The following NCKAP5 variants were observed in gnomAD, a reference collection of about 807,000 sequenced individuals.
NCKAP5 encodes nck-associated protein 5.
In NCKAP5, 92 loss-of-function variants were observed where a neutral mutation model predicts 167.0. The observed-to-expected ratio is 0.55, with a 90% CI of 0.47 to 0.66. The LOEUF (loss-of-function observed/expected upper bound fraction) is 0.66, where lower values mean the gene tolerates loss of function less well. Among genes scored for constraint, NCKAP5 ranks in the 30% least tolerant of loss-of-function variants. NCKAP5 has a pLI of 0.00. For synonymous variants in NCKAP5, 891 were observed against 877.4 expected (o/e 1.02, Z -0.27); for missense variants, 2,378 against 2,315.0 (o/e 1.03, Z -0.56).
At chr2:133,438,209 G>T (rs1350267599) in intron 3 of NCKAP5, among the ~76,000 whole-genome samples, 1 of 152,210 alleles carries the variant, frequency 6.6e-6, no homozygotes, top group Non-Finnish European at 1.5e-5. Flanking sequence ...GTGTTGTTGG[G>T]TGCCAGCTTC....
chr2:132,883,782 T>G (rs1054992403), intron 8 of NCKAP5, among the ~76,000 whole-genome samples: 2 of 152,206 alleles, frequency 1.3e-5, no homozygotes, highest in Admixed American at 1.3e-4. Flanking sequence ...AATTCAAGTG[T>G]TCTCTGTTAT....
chr2:132,906,281 A>T (rs1179194523), intron 8 of NCKAP5, among the ~76,000 whole-genome samples: 1 of 152,160 alleles, frequency 6.6e-6, no homozygotes, highest in East Asian at 1.9e-4. Context: ...TTGTCCACAG[A>T]CTACTTGACT....
At chr2:132,764,003 T>C (rs1298985686) in intron 16 of NCKAP5, among the ~76,000 whole-genome samples, 1 of 152,166 alleles carries the variant, frequency 6.6e-6, no homozygotes, top group African/African-American at 2.4e-5. Context: ...GAAAAAAATA[T>C]TTTACAGGAG....
chr2:133,077,112 G>GA (rs571956550), intron 6 of NCKAP5, among the ~76,000 whole-genome samples: 5 of 151,634 alleles, frequency 3.3e-5, no homozygotes, highest in Admixed American at 6.6e-5. Context: ...AATTCAACAT[G>GA]AAAAAAAATA....
intron 3 of NCKAP5, among the ~76,000 whole-genome samples, chr2:133,388,073 C>T (rs1397443821): frequency 6.6e-6 from 1 of 152,222 alleles, no homozygotes; most frequent in African/African-American, 2.4e-5. Flanking sequence ...CAGCTTTGTT[C>T]CATTGCTGGT....
chr2:133,551,299 CA>C (rs1241868036), intron 2 of NCKAP5, among the ~76,000 whole-genome samples: 105 of 150,458 alleles, frequency 7.0e-4, no homozygotes, highest in African/African-American at 2.2e-3. Context: ...ACTCCTAAGC[CA>C]AAAGAACAAA....
At chr2:132,877,753 G>T (rs1379213886) in intron 9 of NCKAP5, among the ~76,000 whole-genome samples, 1 of 152,200 alleles carries the variant, frequency 6.6e-6, no homozygotes, top group East Asian at 1.9e-4. Context: ...TGACTTCTGA[G>T]ACAGTGCATT....
At chr2:133,608,142 T>C in the NCKAP5 span, among the ~76,000 whole-genome samples, 14 of 152,186 alleles carry the variant, frequency 9.2e-5, 1 homozygote, top group Non-Finnish European at 1.8e-4. Context: ...CTTAAAAATA[T>C]GGCTTTTATG....
chr2:133,223,720 T>A (rs2086760976), intron 4 of NCKAP5, among the ~76,000 whole-genome samples: 1 of 152,114 alleles, frequency 6.6e-6, no homozygotes, highest in Admixed American at 6.5e-5. Context: ...TCTATCAACA[T>A]CCATAAAGCA....
chr2:133,130,192 T>C (rs1196092063), intron 5 of NCKAP5, 81 bp from the exon 6 acceptor site: 5 of 1,437,076 alleles, frequency 3.5e-6, no homozygotes, highest in South Asian at 1.3e-5. Flanking sequence ...AAGTGATAAC[T>C]TGAGCTTTAT....
chr2:133,204,378 C>A (rs979019724), intron 5 of NCKAP5, among the ~76,000 whole-genome samples: 24 of 152,290 alleles, frequency 1.6e-4, no homozygotes, highest in African/African-American at 4.3e-4. Flanking sequence ...GACTCCCCCC[C>A]ATCAGAGGTA....
At chr2:133,544,176 T>C (rs1056474714) in intron 2 of NCKAP5, among the ~76,000 whole-genome samples, 1 of 152,228 alleles carries the variant, frequency 6.6e-6, no homozygotes, top group African/African-American at 2.4e-5. Flanking sequence ...CTCTTTTATA[T>C]TACCTTTGGT....
Position 133,213,674 on chromosome 2 carries a change from C to T in NCKAP5, c.207+42G>A, listed in dbSNP as rs761857649. 2.6e-5 allele frequency: 41 copies of T among 1,602,768 alleles called. No individual in the cohort carries two copies. In the South Asian group the frequency reaches 4.2e-4, roughly 16 times the overall value. On this transcript the variant is annotated intron_variant, in intron 5 of 19. Coordinates refer to ENST00000409261, the MANE Select transcript of NCKAP5 (RefSeq NM_207363.3). ...GCAAAGTAGCTTTCAAGCCAGAGAC[C>T]TCTGGATGTTGTGGAATGAGGGGAC...
At chr2:133,480,470 C>T (rs1680327361) in intron 3 of NCKAP5, among the ~76,000 whole-genome samples, 1 of 152,188 alleles carries the variant, frequency 6.6e-6, no homozygotes, top group African/African-American at 2.4e-5. Flanking sequence ...AACTGTCCTG[C>T]CATCATTCTG....
intron 6 of NCKAP5, among the ~76,000 whole-genome samples, chr2:133,076,898 G>T (rs533408864): frequency 6.6e-6 from 1 of 152,256 alleles, no homozygotes; most frequent in East Asian, 1.9e-4. Flanking sequence ...ACCTCTTTCT[G>T]CAGAGGAGTC....
intron 6 of NCKAP5, among the ~76,000 whole-genome samples, chr2:133,108,332 C>T (rs1453450841): frequency 6.6e-6 from 1 of 152,148 alleles, no homozygotes. Flanking sequence ...ACCAGCATCC[C>T]AGGATAGCAC....
At chr2:133,125,860 TA>T (rs1386857839) in intron 6 of NCKAP5, among the ~76,000 whole-genome samples, 3 of 152,208 alleles carry the variant, frequency 2.0e-5, no homozygotes, top group African/African-American at 7.2e-5. Flanking sequence ...AATTTTTTTT[TA>T]TTGCCTAAAT....
intron 5 of NCKAP5, among the ~76,000 whole-genome samples, chr2:133,201,417 A>T (rs571375796): frequency 1.8e-3 from 269 of 152,322 alleles, no homozygotes; most frequent in Non-Finnish European, 3.5e-3. Context: ...AATATAGATG[A>T]ATCTCAAAAA....
intron 11 of NCKAP5, among the ~76,000 whole-genome samples, chr2:132,835,840 C>A (rs975112320): frequency 2.6e-5 from 4 of 152,014 alleles, no homozygotes; most frequent in Non-Finnish European, 5.9e-5. Context: ...TCTCACCCAC[C>A]CTTCTCTACC....
Sources: allele counts gnomAD v4.1 joint callset (sites outside exome capture counted in the v4.1 genomes callset), GRCh38; gene constraint gnomAD v4.1.1; transcripts MANE v1.5; gene names NCBI Gene and HGNC (gene_info 2026-07-23, HGNC 2026-07-21).